Variants in DAB1 observed in about 807,000 individuals in gnomAD.
The protein encoded by DAB1 is DAB adaptor protein 1.
DAB1 carries 15 observed loss-of-function variants against 64.6 expected under a neutral mutation model. The observed-to-expected ratio is 0.23, with a 90% confidence interval of 0.16 to 0.36. The LOEUF (loss-of-function observed/expected upper bound fraction) is 0.36, where lower values mean the gene tolerates loss of function less well. DAB1 is among the 10% of genes least tolerant of loss of function. The pLI is 1.00. For missense variants in DAB1, 596 were observed against 706.7 expected, an observed-to-expected ratio of 0.84 and a Z score of 1.78; for synonymous variants, 235 against 251.9, an observed-to-expected ratio of 0.93 and a Z score of 0.64.
At chr1:57,553,531 C>T (rs1644952336) in intron 7 of DAB1, among the ~76,000 whole-genome samples, 1 of 123,378 alleles carries the variant, frequency 8.1e-6, no homozygotes, top group Non-Finnish European at 1.8e-5. Flanking sequence ...GAGGCATGTA[C>T]AACAAATTCA....
intron 7 of DAB1, among the ~76,000 whole-genome samples, chr1:57,529,520 T>TGAAA (rs1372479042): frequency 6.6e-6 from 1 of 152,012 alleles, no homozygotes; most frequent in Non-Finnish European, 1.5e-5. Context: ...AAGTTGAAAT[T>TGAAA]GAAAGAATGA....
chr1:58,199,015 A>T (rs1269498477), intron 4 of DAB1, among the ~76,000 whole-genome samples: 1 of 152,106 alleles, frequency 6.6e-6, no homozygotes, highest in Non-Finnish European at 1.5e-5. Flanking sequence ...GCTGACGCAG[A>T]AGAATCGCTT....
intron 1 of DAB1, chr1:57,306,750 A>T (rs1437822832): frequency 1.3e-5 from 2 of 152,306 alleles, no homozygotes; most frequent in Non-Finnish European, 2.9e-5. Flanking sequence ...CAACATTTTT[A>T]AAAATGGACT....
intron 6 of DAB1, among the ~76,000 whole-genome samples, chr1:57,787,147 A>T (rs1650372551): frequency 6.6e-6 from 1 of 152,196 alleles, no homozygotes. Flanking sequence ...TATTTAAAAA[A>T]ATAAATTGTC....
At chr1:57,754,886 C>A (rs976693036) in intron 6 of DAB1, among the ~76,000 whole-genome samples, 1 of 152,088 alleles carries the variant, frequency 6.6e-6, no homozygotes, top group African/African-American at 2.4e-5. Context: ...AGCTCCAAGA[C>A]GGCAGATTCC....
At chr1:57,792,127 C>T (rs1259281694) in intron 6 of DAB1, among the ~76,000 whole-genome samples, 1 of 152,156 alleles carries the variant, frequency 6.6e-6, no homozygotes, top group Non-Finnish European at 1.5e-5. Context: ...TGAAAAACAG[C>T]TTATTTATCT....
At chr1:57,882,226 A>G (rs1043228909) in intron 1 of DAB1, among the ~76,000 whole-genome samples, 5 of 152,198 alleles carry the variant, frequency 3.3e-5, no homozygotes, top group Admixed American at 2.6e-4. Context: ...GAGTTTTTAA[A>G]TGAAAGGCAC....
intron 4 of DAB1, among the ~76,000 whole-genome samples, chr1:58,179,657 T>C (rs1656671077): frequency 6.6e-6 from 1 of 152,156 alleles, no homozygotes; most frequent in Non-Finnish European, 1.5e-5. Flanking sequence ...TTTTAATTTC[T>C]GTAAGGTGGT....
chr1:57,140,087 A>G (rs1658459585), intron 3 of DAB1, among the ~76,000 whole-genome samples: 1 of 152,166 alleles, frequency 6.6e-6, no homozygotes, highest in African/African-American at 2.4e-5. Flanking sequence ...CCACAAGATT[A>G]TTCATGGCCA....
intron 5 of DAB1, among the ~76,000 whole-genome samples, chr1:58,018,559 G>A (rs898647322): frequency 6.6e-6 from 1 of 152,180 alleles, no homozygotes; most frequent in African/African-American, 2.4e-5. Context: ...CTCAAAATGG[G>A]CATTGGTCCA....
intron 6 of DAB1, among the ~76,000 whole-genome samples, chr1:57,795,951 T>C (rs1404674526): frequency 1.3e-5 from 2 of 151,474 alleles, no homozygotes; most frequent in Admixed American, 1.3e-4. Flanking sequence ...ATGTACAAAG[T>C]GCTTTTAAAA....
chr1:57,209,898 T>C (rs2100324608), intron 2 of DAB1, among the ~76,000 whole-genome samples: 1 of 152,296 alleles, frequency 6.6e-6, no homozygotes, highest in East Asian at 1.9e-4. Context: ...ATAATGAAAT[T>C]TCACAGGCAA....
chr1:58,183,093 C>T (rs1203394373), intron 4 of DAB1, among the ~76,000 whole-genome samples: 1 of 151,866 alleles, frequency 6.6e-6, no homozygotes, highest in Non-Finnish European at 1.5e-5. Flanking sequence ...TCATTTTAAG[C>T]CTGGATTCTA....
At chr1:57,870,696 C>T (rs1329301662) in intron 1 of DAB1, among the ~76,000 whole-genome samples, 1 of 152,144 alleles carries the variant, frequency 6.6e-6, no homozygotes, top group Non-Finnish European at 1.5e-5. Flanking sequence ...GCATACAGCA[C>T]ATACTCAGTA....
chr1:58,333,684 C>A (rs1045831974), intron 4 of DAB1, among the ~76,000 whole-genome samples: 2 of 152,194 alleles, frequency 1.3e-5, no homozygotes, highest in Non-Finnish European at 2.9e-5. Context: ...CAATTGTAAG[C>A]AAATAACAGC....
At chr1:57,416,728 ATTAAC>A (rs1684522838) in intron 1 of DAB1, among the ~76,000 whole-genome samples, 1 of 152,200 alleles carries the variant, frequency 6.6e-6, no homozygotes, top group Non-Finnish European at 1.5e-5. Flanking sequence ...TTTTACCCAA[ATTAAC>A]TTAATGAACC....
chr1:57,870,423 GATGGGTGGAAAGACA>G, intron 1 of DAB1, among the ~76,000 whole-genome samples: 1 of 152,222 alleles, frequency 6.6e-6, no homozygotes, highest in East Asian at 1.9e-4. Context: ...CATTTAATGT[GATGGGTGGAAAGACA>G]ATGGACTTAG....
chr1:58,381,976 G>C (rs11207214), intron 3 of DAB1, among the ~76,000 whole-genome samples: 36,893 of 145,280 alleles, frequency 0.25, 4,635 homozygotes, highest in Middle Eastern at 0.32. Context: ...ATGACACCAT[G>C]AAAGAAGAAA....
At chr1:57,033,677 G>C (rs1267005930) in intron 9 of DAB1, 1 of 1,121,444 alleles carries the variant, frequency 8.9e-7, no homozygotes, top group East Asian at 2.5e-5. Flanking sequence ...CACTTCCGTG[G>C]TCTCAGTAGG....
Sources: allele counts gnomAD v4.1 joint callset (sites outside exome capture counted in the v4.1 genomes callset), GRCh38; gene constraint gnomAD v4.1.1; transcripts MANE v1.5; gene names NCBI Gene and HGNC (gene_info 2026-07-23, HGNC 2026-07-21).